SPEF2: variants seen among roughly 807,000 people sequenced by gnomAD.
The protein encoded by SPEF2 is sperm flagellar and cilia associated 2, also known as sperm flagella and cilia-associated protein 2.
SPEF2 carries 187 observed loss-of-function variants against 224.6 expected under a neutral mutation model. The ratio of observed to expected loss-of-function variants is 0.83; its 90% confidence interval spans 0.74 to 0.94. SPEF2 has a LOEUF of 0.94. Among genes scored for constraint, SPEF2 ranks in the 40% least tolerant of loss-of-function variants. The pLI, the probability that SPEF2 is intolerant of heterozygous loss-of-function variation, is 0.00. For synonymous variants in SPEF2, 715 were observed against 707.3 expected (o/e 1.01, Z -0.17); for missense variants, 2,170 against 2,135.6 (o/e 1.02, Z -0.32).
chr5:35,772,213 G>A (rs4869623), intron 27 of SPEF2, among the ~76,000 whole-genome samples: 77,852 of 151,898 alleles, frequency 0.51, 22,733 homozygotes, highest in African/African-American at 0.81. Flanking sequence ...CAGAAAATAC[G>A]TCTTGAAAGA....
At chr5:35,719,194 G>A (rs564019874) in intron 20 of SPEF2, among the ~76,000 whole-genome samples, 54 of 152,200 alleles carry the variant, frequency 3.5e-4, no homozygotes, top group Middle Eastern at 6.8e-3. Context: ...TTTTGACCTG[G>A]AGCCAGAAAT....
rs1187197903 is a variant in SPEF2, at chr5:35,654,593, ATACT to A, written c.850_853del (p.Tyr284GlnfsTer31). ...GGCCAGACAACCACCGATTTGTTAAATACTTACTCAGATGACGAGTACATTAAAA... is the reference window on the plus strand; with the variant it reads ...GGCCAGACAACCACCGATTTGTTAAATACTCAGATGACGAGTACATTAAAA... On this transcript the variant is annotated frameshift_variant, in exon 7 of 37. Transcript: ENST00000356031. LOFTEE classifies it high-confidence loss of function. 6.2e-7 allele frequency: 1 copy of A among 1,612,232 alleles called. No homozygotes were observed. The highest frequency in any genetic ancestry group is 8.5e-7 in the Non-Finnish European group (1 of 1,179,574).
At chr5:35,761,878 C>T (rs1314270460) in intron 25 of SPEF2, among the ~76,000 whole-genome samples, 1 of 152,164 alleles carries the variant, frequency 6.6e-6, no homozygotes, top group Non-Finnish European at 1.5e-5. Flanking sequence ...CTGCGAATAA[C>T]TCTGCACCAG....
intron 16 of SPEF2, among the ~76,000 whole-genome samples, chr5:35,701,989 G>T (rs6874194): frequency 0.54 from 81,463 of 151,878 alleles, 22,269 homozygotes; most frequent in African/African-American, 0.56. Flanking sequence ...CAAAAAAATT[G>T]CATTGCTCTG....
chr5:35,738,391 T>C (rs1241868530), intron 21 of SPEF2, among the ~76,000 whole-genome samples: 1 of 151,660 alleles, frequency 6.6e-6, no homozygotes, highest in Non-Finnish European at 1.5e-5. Context: ...AATTTTTGTA[T>C]AAGGTGTAAG....
chr5:35,627,823 G>A (rs1487849369), intron 1 of SPEF2, among the ~76,000 whole-genome samples: 1 of 152,130 alleles, frequency 6.6e-6, no homozygotes, highest in Admixed American at 6.5e-5. Flanking sequence ...CTAGTAAGGG[G>A]CAGAGCCAAG....
chr5:35,670,190 G>A lies in SPEF2; in HGVS notation c.1487G>A (p.Arg496Lys), dbSNP rs1390478455. The A allele has an allele frequency of 1.2e-6, 2 of 1,611,596 alleles. No individual in the cohort carries two copies. The highest frequency in any genetic ancestry group is 1.7e-6 in the Non-Finnish European group (2 of 1,178,556). Residue 496 changes from arginine (R) to lysine (K), a missense_variant, in exon 10 of 37, where the codon AGG becomes AAG. Transcript: ENST00000356031. ...SREQLTELEK[R>K]DLLDTNDYEE... ...GAACAACTTACAGAACTGGAGAAAA[G>A]GGACTTGCTAGATACCAATGATTAT...
chr5:35,722,562 C>T (rs977680436), intron 20 of SPEF2, among the ~76,000 whole-genome samples: 2 of 109,642 alleles, frequency 1.8e-5, no homozygotes, highest in African/African-American at 6.4e-5. Context: ...TATACATGTG[C>T]CATGCTGGTG....
intron 30 of SPEF2, among the ~76,000 whole-genome samples, chr5:35,782,196 T>C (rs1754445015): frequency 6.6e-6 from 1 of 152,222 alleles, no homozygotes; most frequent in South Asian, 2.1e-4. Flanking sequence ...TACCTTCCAC[T>C]GTATTTACCC....
intron 7 of SPEF2, 33 bp downstream of exon 7, chr5:35,654,759 G>A: frequency 6.4e-7 from 1 of 1,566,086 alleles, no homozygotes; most frequent in Non-Finnish European, 8.6e-7. Flanking sequence ...AAGTAATAGT[G>A]CTGGGAATTC....
chr5:35,649,296 T>C, intron 5 of SPEF2, 65 bp from the exon 6 acceptor site: 1 of 1,296,836 alleles, frequency 7.7e-7, no homozygotes, highest in South Asian at 1.3e-5. Context: ...CTTGAATGAA[T>C]GTGTAAATGA....
intron 26 of SPEF2, chr5:35,764,449 C>T (rs1309472369): frequency 5.0e-6 from 2 of 397,456 alleles, no homozygotes; most frequent in Non-Finnish European, 1.0e-5. Flanking sequence ...GAGGCATACA[C>T]ATAACTTTAA....
chr5:35,660,251 GTTTGTCCACATTTGA>G (rs1749524531), intron 8 of SPEF2, among the ~76,000 whole-genome samples: 1 of 151,922 alleles, frequency 6.6e-6, no homozygotes, highest in African/African-American at 2.4e-5. Context: ...TATTTAATCC[GTTTGTCCACATTTGA>G]TTGAAGAGAA....
chr5:35,788,079 T>G (rs544384192), intron 30 of SPEF2: 2 of 703,002 alleles, frequency 2.8e-6, no homozygotes, highest in Non-Finnish European at 5.2e-6. Context: ...GTGAATTTTT[T>G]TTATGGTACT....
intron 2 of SPEF2, among the ~76,000 whole-genome samples, chr5:35,632,157 C>G (rs982771634): frequency 6.6e-6 from 1 of 152,108 alleles, no homozygotes; most frequent in African/African-American, 2.4e-5. Context: ...TAGTAGTACC[C>G]CACTCTGTCC....
At position 35,641,319 on chromosome 5, in the gene SPEF2, A is replaced by G. The variant is rs189402926; in HGVS notation, c.162-112A>G. ...GGTTTTAGAGAGGAATGATACAGCT[A>G]AAAGGACATGAAATAATTCAAAATA... On this transcript the variant is annotated intron_variant, in intron 2 of 36. Transcript: ENST00000356031. 16 of 1,261,358 alleles carry G rather than the reference A, an allele frequency of 1.3e-5. No individual in the cohort carries two copies. In the Admixed American group the frequency reaches 2.6e-4, roughly 20 times the overall value. The allele number at this position is 1,261,358 out of a possible 1,614,324, so 78.1% of individuals were successfully genotyped here. A position where few individuals can be genotyped will look rare whatever the true frequency, so the allele number is the denominator to read the frequency against.
At chr5:35,749,973 C>T (rs971489913) in intron 23 of SPEF2, among the ~76,000 whole-genome samples, 4 of 152,068 alleles carry the variant, frequency 2.6e-5, no homozygotes, top group East Asian at 1.9e-4. Flanking sequence ...GCCATAGTAA[C>T]CAAAACAGCA....
intron 1 of SPEF2, among the ~76,000 whole-genome samples, chr5:35,626,060 A>G (rs1331107507): frequency 6.6e-6 from 1 of 152,216 alleles, no homozygotes; most frequent in Non-Finnish European, 1.5e-5. Flanking sequence ...TGCCTAGGTT[A>G]TGAAGCTCAA....
chr5:35,753,650 T>A lies in SPEF2; in HGVS notation c.3357T>A (p.Ile1119=), dbSNP rs770963743. 1 of 1,614,130 alleles carries A rather than the reference T, an allele frequency of 6.2e-7. No homozygotes were observed. The highest frequency in any genetic ancestry group is 8.5e-7 in the Non-Finnish European group (1 of 1,180,018). Residue 1119 remains isoleucine, a synonymous_variant, in exon 24 of 37, where the codon ATT becomes ATA. Transcript: ENST00000356031. The stretch of plus-strand genomic sequence containing the variant: ...ATCTGCGAGACCGCCTGTGGGACAT[T>A]TGTGATGCCCGGAAGGAAGAGGCGG... ...VNDLRDRLWD[I]CDARKEEAEQ... is the part of the protein sequence containing the mutation.
Sources: allele counts gnomAD v4.1 joint callset (sites outside exome capture counted in the v4.1 genomes callset), GRCh38; gene constraint gnomAD v4.1.1; transcripts MANE v1.5; gene names NCBI Gene and HGNC (gene_info 2026-07-23, HGNC 2026-07-21).